MTOR: variants seen among roughly 807,000 people sequenced by gnomAD.
MTOR encodes mechanistic target of rapamycin kinase.
Under a neutral mutation model 319.8 loss-of-function variants are expected in MTOR, and 70 were observed. The ratio of observed to expected loss-of-function variants is 0.22; its 90% CI spans 0.18 to 0.27. The LOEUF is 0.27. MTOR is among the 10% of genes least tolerant of loss of function. The probability of loss-of-function intolerance (pLI) is 1.00; values close to 1 mark genes in which losing one functional copy is unlikely to be tolerated. For synonymous variants in MTOR, 1,183 were observed against 1,211.4 expected, an observed-to-expected ratio of 0.98 and a Z score of 0.49; for missense variants, 1,890 against 3,274.4, an observed-to-expected ratio of 0.58 and a Z score of 10.32.
intron 19 of MTOR, among the ~76,000 whole-genome samples, chr1:11,226,796 A>T (rs1299363312): frequency 6.6e-6 from 1 of 152,066 alleles, no homozygotes; most frequent in Non-Finnish European, 1.5e-5. Flanking sequence ...AACCAAAAAC[A>T]TGGTAGTAGA....
Position 11,199,098 on chromosome 1 carries a change from C to G in MTOR, c.4253+160G>C, listed in dbSNP as rs1645880805. ...ATCATGGCTAGATTCCTGGGGAGAG[C>G]CATCTGCAACAACATGTCATTTAAA... On this transcript the variant is annotated intron_variant, in intron 28 of 57. Transcript: ENST00000361445. The surrounding 1 kb of genome is among the most constrained non-coding windows in gnomAD (Gnocchi z 4.5). Among the ~76,000 whole-genome samples, 1 of 152,214 alleles carries G rather than the reference C, an allele frequency of 6.6e-6. No homozygotes were observed. Among genetic ancestry groups the G allele is most frequent in the East Asian group, 1.9e-4 (1 of 5,198 alleles).
At chr1:11,120,979 T>C (rs968260005) in intron 49 of MTOR, among the ~76,000 whole-genome samples, 4 of 152,114 alleles carry the variant, frequency 2.6e-5, no homozygotes, top group African/African-American at 4.8e-5. Context: ...ACTAAGTTAA[T>C]AGGAAATTTG....
At chr1:11,189,527 G>C in intron 28 of MTOR, 1 of 1,530,158 alleles carries the variant, frequency 6.5e-7, no homozygotes, top group South Asian at 1.3e-5. Flanking sequence ...CCTCAGCTGG[G>C]CATCTCCAGA....
chr1:11,213,266 G>T, intron 21 of MTOR, 133 bp downstream of exon 21: 4 of 882,968 alleles, frequency 4.5e-6, no homozygotes, highest in Non-Finnish European at 6.9e-6. Context: ...TTGGGTATTA[G>T]TATTCTTGGG....
At chr1:11,251,203 AC>A (rs1276112875) in intron 6 of MTOR, among the ~76,000 whole-genome samples, 1 of 151,956 alleles carries the variant, frequency 6.6e-6, no homozygotes, top group Non-Finnish European at 1.5e-5. Flanking sequence ...ATATCCCCAC[AC>A]ACTTCTCCTG....
At position 11,127,146 on chromosome 1, in the gene MTOR, TGA is replaced by T. The variant is rs1642876453; in HGVS notation, c.6217-4_6217-3del. ...CTCCATTAAATCTCGACCATAGGCCTGAGAGAGAAAGCAGGCACGTTTTCAAG... is the reference window on the plus strand; with the variant it reads ...CTCCATTAAATCTCGACCATAGGCCTGAGAGAAAGCAGGCACGTTTTCAAG... On this transcript the variant is annotated splice_region_variant and splice_polypyrimidine_tract_variant and intron_variant, in intron 44 of 57. Transcript: ENST00000361445. This position sits in a 1 kb window ranked among gnomAD's most constrained non-coding sequence, Gnocchi z 5.5. The T allele has an allele frequency of 6.2e-7, 1 of 1,613,496 alleles. No homozygotes were observed. Among genetic ancestry groups the T allele is most frequent in the Non-Finnish European group, 8.5e-7 (1 of 1,179,906 alleles).
At chr1:11,253,720 C>T (rs1650002025) in intron 6 of MTOR, 119 bp downstream of exon 6, 3 of 1,139,086 alleles carry the variant, frequency 2.6e-6, no homozygotes, top group Non-Finnish European at 3.8e-6. Flanking sequence ...ATCTTATTTA[C>T]TTATTTATTA....
intron 14 of MTOR, 95 bp from the exon 15 acceptor site, chr1:11,233,582 G>C: frequency 1.1e-6 from 1 of 933,142 alleles, no homozygotes; most frequent in Non-Finnish European, 1.7e-6. Context: ...GACCATCTCA[G>C]TCATAAAGAA....
In MTOR at chr1:11,256,151, G is replaced by A; in HGVS notation, c.546C>T (p.Phe182=). Residue 182 remains phenylalanine (F), a synonymous_variant, in exon 5 of 58, where the codon TTC becomes TTT. Transcript: ENST00000361445. ...AGAAGGGTTGCACTTGCTGGAAGAA[G>A]AAGGTAGGGACGCTGATGGCCAGCT... The part of the protein sequence containing the change: ...LRELAISVPT[F]FFQQVQPFFD... 6.2e-7 allele frequency: 1 copy of A among 1,614,186 alleles called. No individual in the cohort carries two copies. The highest frequency in any genetic ancestry group is 8.5e-7 in the Non-Finnish European group (1 of 1,180,036).
intron 28 of MTOR, among the ~76,000 whole-genome samples, chr1:11,176,757 T>C (rs7536979): frequency 0.028 from 4,223 of 152,226 alleles, 170 homozygotes; most frequent in African/African-American, 0.095. Flanking sequence ...CTCCTGTCAC[T>C]TCTCCCAGCA....
Position 11,258,536 on chromosome 1 carries a change from A to G in MTOR, c.220T>C (p.Leu74=), listed in dbSNP as rs201992257. 2 of 1,614,168 alleles carry G rather than the reference A, an allele frequency of 1.2e-6. No homozygotes were observed. Among genetic ancestry groups the G allele is most frequent in the African/African-American group, 1.3e-5 (1 of 75,038 alleles). The change falls in exon 3 of 58, where the codon TTG becomes CTG. Residue 74 remains leucine, a synonymous_variant. Coordinates refer to ENST00000361445, the MANE Select transcript of MTOR (RefSeq NM_004958.4). ...YDQLNHHIFE[L]VSSSDANERK... is the part of the protein sequence containing the mutation. The stretch of plus-strand genomic sequence containing the variant: ...TCATTGGCATCTGAGCTGGAAACCA[A>G]TTCAAAAATGTGATGGTTCAGTTGG...
Position 11,231,295 on chromosome 1 carries a change from C to T in MTOR, c.2649+5G>A. 1 of 1,613,914 alleles carries T rather than the reference C, an allele frequency of 6.2e-7. No individual in the cohort carries two copies. The highest frequency in any genetic ancestry group is 8.5e-7 in the Non-Finnish European group (1 of 1,179,926). ...TTTAAAGACCAAGTTTGCCACGTCC[C>T]CTACCTCTCTGCGTGTACCCTGGTT... On this transcript the variant is annotated splice_donor_5th_base_variant and intron_variant, in intron 17 of 57. Coordinates refer to ENST00000361445, the MANE Select transcript of MTOR (RefSeq NM_004958.4).
chr1:11,131,156 G>T, intron 38 of MTOR: 1 of 247,746 alleles, frequency 4.0e-6, no homozygotes, highest in South Asian at 5.9e-5. Context: ...GTCAAGAAGA[G>T]GGATTTGGGG....
intron 8 of MTOR, among the ~76,000 whole-genome samples, chr1:11,246,678 T>C (rs1648875513): frequency 6.6e-6 from 1 of 152,176 alleles, no homozygotes; most frequent in Non-Finnish European, 1.5e-5. Context: ...CTTTTGCTTA[T>C]GTTCCTGGCT....
intron 28 of MTOR, among the ~76,000 whole-genome samples, chr1:11,180,624 T>G (rs1645116410): frequency 6.6e-6 from 1 of 152,216 alleles, no homozygotes; most frequent in Admixed American, 6.5e-5. Flanking sequence ...ACATGTGATC[T>G]TGTCCTGCAA....
Position 11,128,510 on chromosome 1 carries a change from A to C in MTOR, c.5854T>G (p.Leu1952Val), listed in dbSNP as rs1223664052. 1 of 1,614,100 alleles carries C rather than the reference A, an allele frequency of 6.2e-7. No individual in the cohort carries two copies. The highest frequency in any genetic ancestry group is 8.5e-7 in the Non-Finnish European group (1 of 1,180,046). Residue 1952 changes from leucine to valine, a missense_variant, in exon 42 of 58, where the codon TTG (leucine) becomes GTG (valine). Leu to Val is a conservative substitution (Grantham distance 32). This residue lies in a region of MTOR where 249 missense variants were observed against 596.2 expected (regional missense o/e 0.42). Coordinates refer to ENST00000361445, the MANE Select transcript of MTOR (RefSeq NM_004958.4). This position sits in a 1 kb window ranked among gnomAD's most constrained non-coding sequence, Gnocchi z 5.3. ...AGCTGGTGAATGAGACGTCCCACCA[A>C]GGGTCTGGGCGTATCAATTCTTGCA... is the stretch of plus-strand genomic sequence containing the variant. ...LIARIDTPRP[L>V]VGRLIHQLLT... is the part of the protein sequence containing the mutation.
chr1:11,134,596 G>A, intron 36 of MTOR, 130 bp from the exon 37 acceptor site: 1 of 676,328 alleles, frequency 1.5e-6, no homozygotes. Flanking sequence ...ACAGAATGAT[G>A]ACCCCATAGG....
At chr1:11,244,232 C>T (rs1488525688) in intron 8 of MTOR, among the ~76,000 whole-genome samples, 5 of 136,390 alleles carry the variant, frequency 3.7e-5, no homozygotes, top group Non-Finnish European at 1.5e-5. Flanking sequence ...GCGGAGGTTG[C>T]GGTGAGCCGA....
Position 11,199,426 on chromosome 1 carries a change from A to G in MTOR, c.4108-23T>C, listed in dbSNP as rs1557834968. 1 of 1,614,158 alleles carries G rather than the reference A, an allele frequency of 6.2e-7. No homozygotes were observed. Among genetic ancestry groups the G allele is most frequent in the Non-Finnish European group, 8.5e-7 (1 of 1,180,008 alleles). On this transcript the variant is annotated intron_variant, in intron 27 of 57. Coordinates refer to ENST00000361445, the MANE Select transcript of MTOR (RefSeq NM_004958.4). This position sits in a 1 kb window ranked among gnomAD's most constrained non-coding sequence, Gnocchi z 4.5. ...GCCCTGGAGAAGAGCAAAACCTCAC[A>G]GCACAGGAAAATGGCAGATGGGGCA...
Sources: allele counts gnomAD v4.1 joint callset (sites outside exome capture counted in the v4.1 genomes callset), GRCh38; gene constraint gnomAD v4.1.1; regional missense constraint gnomAD v4.1.1; non-coding constraint Gnocchi (gnomAD v3.1); transcripts MANE v1.5; gene names NCBI Gene and HGNC (gene_info 2026-07-23, HGNC 2026-07-21).